DOK7: variants seen among roughly 807,000 people sequenced by gnomAD.
DOK7 encodes docking protein 7.
DOK7 carries 32 observed loss-of-function variants against 30.7 expected under a neutral mutation model. The observed-to-expected ratio is 1.04, with a 90% CI of 0.79 to 1.40. The LOEUF (loss-of-function observed/expected upper bound fraction) is 1.40. Among genes scored for constraint, DOK7 ranks in the 40% most tolerant of loss-of-function variants. The pLI is 0.00. For synonymous variants in DOK7, 447 were observed against 324.1 expected (o/e 1.38, Z -4.07); for missense variants, 1,007 against 699.2 (o/e 1.44, Z -4.97).
rs1336652657 is a variant in DOK7, at chr4:3,500,927, A to C, written c.*102A>C. 2.1e-6 allele frequency: 3 copies of C among 1,429,232 alleles called. No homozygotes were observed. The East Asian group carries it at 7.6e-5, about 36-fold the overall frequency. 88.5% of individuals were successfully genotyped at this position (1,429,232 alleles called of 1,614,324 possible). A position where few individuals can be genotyped will look rare whatever the true frequency, so the allele number is the denominator to read the frequency against. ...GTTGGGCGTGGTCTGGTCCCCAGGG[A>C]GCTCCCAGTCGCAGGAGCAGGCATG... On this transcript the variant is annotated 3_prime_UTR_variant, in exon 8 of 8. Transcript: ENST00000643608.
chr4:3,481,110 AG>A (rs1192688609), intron 4 of DOK7, among the ~76,000 whole-genome samples: 1 of 151,592 alleles, frequency 6.6e-6, no homozygotes, highest in African/African-American at 2.4e-5. Context: ...AGGAGGCGTG[AG>A]GGTGGAGGAG....
At position 3,473,463 on chromosome 4, in the gene DOK7, A is replaced by G; in HGVS notation, c.158A>G (p.Glu53Gly). ...DKSERIKGLR[E>G]RSSLTLEDIC... ...TCGGAGCGTATCAAGGGCCTGCGGG[A>G]GCGCAGCAGCCTGACGCTAGAGGAC... The change falls in exon 3 of 7, where the codon GAG becomes GGG. Residue 53 changes from glutamate (E) to glycine (G), a missense_variant. Coordinates refer to ENST00000340083, the MANE Select transcript of DOK7 (RefSeq NM_173660.5). The G allele has an allele frequency of 6.2e-7, 1 of 1,611,030 alleles. No homozygotes were observed. The highest frequency in any genetic ancestry group is 8.5e-7 in the Non-Finnish European group (1 of 1,179,750).
Position 3,489,948 on chromosome 4 carries a change from TCCCCG to T in DOK7, c.772+161_772+165del, listed in dbSNP as rs1365833187. On this transcript the variant is annotated intron_variant, in intron 6 of 6. Transcript: ENST00000340083. ...CCTGCTCATTCATTCTTCCCCCAAC[TCCCCG>T]CCCCGCCCGCTACTCATTCATCCTT... The T allele has an allele frequency of 3.3e-4, 406 of 1,239,520 alleles. 11 individuals are homozygous for T. The East Asian group carries it at 0.01, about 32-fold the overall frequency. 76.8% of individuals were successfully genotyped at this position (1,239,520 alleles called of 1,614,324 possible). A position where few individuals can be genotyped will look rare whatever the true frequency, so the allele number is the denominator to read the frequency against.
Position 3,494,350 on chromosome 4 carries a change from T to G in DOK7, c.*849T>G, listed in dbSNP as rs190903828. On this transcript the variant is annotated 3_prime_UTR_variant, in exon 7 of 7. Transcript: ENST00000340083. ...GTCCCCCGCCCTGGGTGGCTTCCTC[T>G]TGCACAGCCTGGAGCCTGCCCTGAC... is the stretch of plus-strand genomic sequence containing the variant. 300 of 985,814 alleles carry G rather than the reference T, an allele frequency of 3.0e-4. No individual in the cohort carries two copies. The African/African-American group carries it at 4.7e-3, about 15-fold the overall frequency. The allele number at this position is 985,814 out of a possible 1,614,324, so 61.1% of individuals were successfully genotyped here. A position where few individuals can be genotyped will look rare whatever the true frequency, so the allele number is the denominator to read the frequency against.
chr4:3,500,922 C>T, exon 8 of DOK7: 4 of 1,432,690 alleles, frequency 2.8e-6, no homozygotes, highest in South Asian at 1.5e-5. Context: ...GTCTGGTCCC[C>T]AGGGAGCTCC....
intron 6 of DOK7, among the ~76,000 whole-genome samples, 200 bp downstream of exon 6, chr4:3,489,996 C>CAT: frequency 7.0e-6 from 1 of 142,536 alleles, no homozygotes; most frequent in African/African-American, 2.5e-5. Context: ...CACCACCCTG[C>CAT]TCATTCCTTC....
chr4:3,489,636 G>C (rs1560224359), intron 5 of DOK7, 41 bp from the exon 6 acceptor site: 1 of 1,557,730 alleles, frequency 6.4e-7, no homozygotes, highest in South Asian at 1.2e-5. Flanking sequence ...AGGGTGGGCG[G>C]TGGTGGCCAC....
chr4:3,465,578 C>T (rs374760723), intron 2 of DOK7, among the ~76,000 whole-genome samples: 1 of 152,370 alleles, frequency 6.6e-6, no homozygotes, highest in African/African-American at 2.4e-5. Context: ...TCCACTGGCA[C>T]CTTTCTCCTC....
intron 2 of DOK7, among the ~76,000 whole-genome samples, chr4:3,468,191 T>A (rs1249369470): frequency 7.0e-6 from 1 of 143,404 alleles, no homozygotes; most frequent in Non-Finnish European, 1.5e-5. Flanking sequence ...TGTGGGGGTG[T>A]GTGTGCACAA....
Position 3,493,920 on chromosome 4 carries a change from T to G in DOK7, c.*419T>G. On this transcript the variant is annotated 3_prime_UTR_variant, in exon 7 of 7. Coordinates refer to ENST00000340083, the MANE Select transcript of DOK7 (RefSeq NM_173660.5). ...TGGCCGGTTCTCCCCATCACCTCTCTGGGGCAGTCACACCACCTGTTAAGC... is the reference window on the plus strand; with the variant it reads ...TGGCCGGTTCTCCCCATCACCTCTCGGGGGCAGTCACACCACCTGTTAAGC... The G allele has an allele frequency of 9.7e-7, 1 of 1,033,926 alleles. No individual in the cohort carries two copies. Among genetic ancestry groups the G allele is most frequent in the Non-Finnish European group, 1.2e-6 (1 of 862,374 alleles). 64.0% of individuals were successfully genotyped at this position (1,033,926 alleles called of 1,614,324 possible).
At chr4:3,489,528 TG>T in intron 5 of DOK7, 148 bp from the exon 6 acceptor site, 1 of 1,303,954 alleles carries the variant, frequency 7.7e-7, no homozygotes, top group Non-Finnish European at 1.1e-6. Flanking sequence ...GGCCAGCCTC[TG>T]GGATGAGGCA....
rs61597318 is a variant in DOK7, at chr4:3,476,169, G to A, written c.332-173G>A. On this transcript the variant is annotated intron_variant, in intron 3 of 6. Transcript: ENST00000340083. ...CCCCGCCTGACCGTGATGCCCTCTC[G>A]CCCCGCCCACCCTCGATGCCCTCTC... 0.15 allele frequency among the ~76,000 whole-genome samples: 13,845 copies of A among 93,538 alleles called. 1,322 individuals carry two copies. Among genetic ancestry groups the A allele is most frequent in the East Asian group, 0.22 (837 of 3,756 alleles). 61.4% of individuals were successfully genotyped at this position (93,538 alleles called of 152,430 possible).
Position 3,493,299 on chromosome 4 carries a change from C to G in DOK7, c.1313C>G (p.Thr438Arg), listed in dbSNP as rs376805794. 156 of 1,607,038 alleles carry G rather than the reference C, an allele frequency of 9.7e-5. No homozygotes were observed. The East Asian group carries it at 2.7e-3, about 28-fold the overall frequency. ...NSAARDSGGQ[T>R]SAGCPSGWLG... ...GCGGCCAGGGACTCAGGCGGCCAGA[C>G]GTCCGCCGGGTGTCCCTCTGGCTGG... is the stretch of plus-strand genomic sequence containing the variant. The change falls in exon 7 of 7, where the codon ACG becomes AGG. Residue 438 changes from threonine (T) to arginine (R), a missense_variant. Physicochemically the swap from Thr to Arg is moderately conservative, Grantham distance 71. Transcript: ENST00000340083.
At chr4:3,497,733 C>T (rs1008425965), downstream of DOK7, among the ~76,000 whole-genome samples, 2 of 151,842 alleles carry the variant, frequency 1.3e-5, no homozygotes, top group Admixed American at 6.6e-5. Flanking sequence ...CTGGAGGGGA[C>T]AGTCAGGGAT....
At chr4:3,466,618 C>T (rs1013147830) in intron 2 of DOK7, among the ~76,000 whole-genome samples, 19 of 152,328 alleles carry the variant, frequency 1.2e-4, no homozygotes, top group African/African-American at 4.6e-4. Context: ...ACAGGGCGAC[C>T]TTCCCTCAGC....
In DOK7 at chr4:3,493,681, T is replaced by G; in HGVS notation, c.*180T>G. On this transcript the variant is annotated 3_prime_UTR_variant, in exon 7 of 7. Coordinates refer to ENST00000340083, the MANE Select transcript of DOK7 (RefSeq NM_173660.5). ...GCTGCCACCGGAGGAAGGGGCTGACTTGGGGAGGTGAGTTCTGGAAGGCAG... is the reference window on the plus strand; with the variant it reads ...GCTGCCACCGGAGGAAGGGGCTGACGTGGGGAGGTGAGTTCTGGAAGGCAG... 6.9e-7 allele frequency: 1 copy of G among 1,446,860 alleles called. No individual in the cohort carries two copies. The highest frequency in any genetic ancestry group is 9.1e-7 in the Non-Finnish European group (1 of 1,100,738). The allele number at this position is 1,446,860 out of a possible 1,614,324, so 89.6% of individuals were successfully genotyped here. A position where few individuals can be genotyped will look rare whatever the true frequency, so the allele number is the denominator to read the frequency against.
At chr4:3,469,208 T>C (rs1043085342) in intron 2 of DOK7, among the ~76,000 whole-genome samples, 62 of 152,142 alleles carry the variant, frequency 4.1e-4, no homozygotes, top group Middle Eastern at 3.4e-3. Context: ...TGAGTGTGTG[T>C]GCCTCTGTGT....
chr4:3,495,040 G>A (rs577027100), downstream of DOK7, among the ~76,000 whole-genome samples: 10 of 152,312 alleles, frequency 6.6e-5, no homozygotes, highest in Non-Finnish European at 1.3e-4. Flanking sequence ...GTGAGCAAGC[G>A]TGGGCTTTGG....
Position 3,473,422 on chromosome 4 carries a change from G to A in DOK7, c.117G>A (p.Leu39=), listed in dbSNP as rs1405227834. 1 of 1,610,924 alleles carries A rather than the reference G, an allele frequency of 6.2e-7. No homozygotes were observed. The highest frequency in any genetic ancestry group is 8.5e-7 in the Non-Finnish European group (1 of 1,179,804). The change falls in exon 3 of 7, where the codon CTG becomes CTA. Residue 39 remains leucine, a synonymous_variant. Coordinates refer to ENST00000340083, the MANE Select transcript of DOK7 (RefSeq NM_173660.5). ...PSPVADCLLM[L]VYKDKSERIK... The stretch of plus-strand genomic sequence containing the variant: ...TCCTTGCAGACTGCCTGCTGATGCT[G>A]GTCTACAAGGACAAGTCGGAGCGTA...
Sources: allele counts gnomAD v4.1 joint callset (sites outside exome capture counted in the v4.1 genomes callset), GRCh38; gene constraint gnomAD v4.1.1; transcripts MANE v1.5; gene names NCBI Gene and HGNC (gene_info 2026-07-23, HGNC 2026-07-21).